TRIM37: variants seen among roughly 807,000 people sequenced by gnomAD.
TRIM37 encodes tripartite motif containing 37.
A neutral mutation model predicts 129.8 loss-of-function variants in TRIM37; 80 were observed. The observed-to-expected ratio is 0.62, with a 90% CI of 0.51 to 0.74. The LOEUF (loss-of-function observed/expected upper bound fraction) is 0.74. Ranked by LOEUF, TRIM37 falls within the 30% of genes least tolerant of loss-of-function variation. The pLI, the probability that TRIM37 is intolerant of heterozygous loss-of-function variation, is 0.00. For synonymous variants in TRIM37, 389 were observed against 387.1 expected (o/e 1.00, Z -0.06); for missense variants, 1,054 against 1,176.5 (o/e 0.90, Z 1.52).
At chr17:59,065,119 A>G (rs914569635) in intron 9 of TRIM37, among the ~76,000 whole-genome samples, 2 of 152,214 alleles carry the variant, frequency 1.3e-5, no homozygotes, top group African/African-American at 2.4e-5. Context: ...AAAAGGCAAC[A>G]CATTATATAA....
chr17:59,036,317 T>G (rs1457483109), intron 17 of TRIM37, among the ~76,000 whole-genome samples: 1 of 152,150 alleles, frequency 6.6e-6, no homozygotes, highest in African/African-American at 2.4e-5. Flanking sequence ...ATTCAGTTAT[T>G]TGAAGTTAAA....
downstream of TRIM37, among the ~76,000 whole-genome samples, chr17:58,979,563 C>G (rs1468534370): frequency 6.6e-6 from 1 of 152,210 alleles, no homozygotes; most frequent in Non-Finnish European, 1.5e-5. Flanking sequence ...GGCTTGTTTT[C>G]AAATTTCAAT....
chr17:59,094,287 A>G (rs1345868880), intron 2 of TRIM37, among the ~76,000 whole-genome samples: 1 of 152,226 alleles, frequency 6.6e-6, no homozygotes, highest in African/African-American at 2.4e-5. Flanking sequence ...CCAAAGAACC[A>G]GTGGTACAAT....
At chr17:59,072,033 G>A (rs2042414447) in intron 8 of TRIM37, among the ~76,000 whole-genome samples, 1 of 152,118 alleles carries the variant, frequency 6.6e-6, no homozygotes, top group African/African-American at 2.4e-5. Flanking sequence ...AGTCTATCTG[G>A]AGATAATCTT....
intron 8 of TRIM37, among the ~76,000 whole-genome samples, chr17:59,071,654 T>TACACCCGTGTGTACACACAC (rs1555682050): frequency 1.3e-5 from 2 of 152,016 alleles, no homozygotes; most frequent in African/African-American, 4.8e-5. Context: ...CGTACACACA[T>TACACCCGTGTGTACACACAC]ACACCCGTGT....
chr17:59,042,380 A>C (rs2039273328), intron 16 of TRIM37, among the ~76,000 whole-genome samples: 1 of 142,540 alleles, frequency 7.0e-6, no homozygotes, highest in Admixed American at 7.1e-5. Context: ...ATCTCAAAAA[A>C]AAAAAAAAAA....
chr17:59,047,793 A>C lies in TRIM37; in HGVS notation c.1557T>G (p.Asp519Glu). Residue 519 changes from aspartate to glutamate, a missense_variant, in exon 16 of 24, where the codon GAT becomes GAG. Around this residue, in one of 3 missense-constraint regions of TRIM37, gnomAD observed 752 missense variants for 870.8 expected, o/e 0.86. Coordinates refer to ENST00000262294, the MANE Select transcript of TRIM37 (RefSeq NM_015294.6). Reference sequence around the variant, plus strand: ...CTTCATCCTCATAAACAAGATCCAGATCCAGATCTCCATCTGAAAGCTCGT... The same window carrying C: ...CTTCATCCTCATAAACAAGATCCAGCTCCAGATCTCCATCTGAAAGCTCGT... ...YHHELSDGDL[D>E]LDLVYEDEVN... is the part of the protein sequence containing the mutation. 6.2e-7 allele frequency: 1 copy of C among 1,614,132 alleles called. No homozygotes were observed. Among genetic ancestry groups the C allele is most frequent in the South Asian group, 1.1e-5 (1 of 91,080 alleles).
At chr17:58,974,832 G>A in the TRIM37 span, among the ~76,000 whole-genome samples, 1 of 152,166 alleles carries the variant, frequency 6.6e-6, no homozygotes, top group African/African-American at 2.4e-5. Flanking sequence ...GTGCTAGCAA[G>A]CTGTGAAGTG....
intron 24 of TRIM37, among the ~76,000 whole-genome samples, chr17:58,991,805 G>A (rs978186440): frequency 6.6e-6 from 1 of 152,128 alleles, no homozygotes; most frequent in Non-Finnish European, 1.5e-5. Flanking sequence ...ACTCTCATGT[G>A]CTACTGATGG....
intron 20 of TRIM37, among the ~76,000 whole-genome samples, chr17:59,016,171 A>T (rs1357176876): frequency 1.3e-5 from 2 of 151,998 alleles, no homozygotes; most frequent in Non-Finnish European, 2.9e-5. Context: ...AGGCGGATGG[A>T]TCACCTGAGG....
chr17:58,984,645 T>G (rs1267621193), intron 24 of TRIM37: 1 of 152,630 alleles, frequency 6.6e-6, no homozygotes, highest in South Asian at 2.1e-4. Flanking sequence ...TCTTCTATTC[T>G]GATCTGCAAA....
chr17:59,035,632 C>T (rs984071966), intron 17 of TRIM37, among the ~76,000 whole-genome samples: 2 of 151,840 alleles, frequency 1.3e-5, no homozygotes, highest in Non-Finnish European at 2.9e-5. Context: ...CACCTGTAAT[C>T]CCAGCTACTC....
chr17:59,061,315 G>A (rs1169764810), intron 11 of TRIM37, among the ~76,000 whole-genome samples: 2 of 151,652 alleles, frequency 1.3e-5, no homozygotes, highest in African/African-American at 4.8e-5. Context: ...GCACAAAAAT[G>A]AAGGGAAATA....
intron 3 of TRIM37, among the ~76,000 whole-genome samples, chr17:59,089,857 C>T (rs765283117): frequency 2.0e-5 from 3 of 152,072 alleles, no homozygotes; most frequent in South Asian, 2.1e-4. Context: ...CCTAGCACTT[C>T]GGGAGGTCAA....
At chr17:59,018,971 G>A (rs1011957115) in intron 19 of TRIM37, among the ~76,000 whole-genome samples, 1 of 152,116 alleles carries the variant, frequency 6.6e-6, no homozygotes, top group Non-Finnish European at 1.5e-5. Context: ...CCAAGACAAT[G>A]CAATGGGCAA....
intron 22 of TRIM37, among the ~76,000 whole-genome samples, chr17:59,007,158 A>AC (rs2034600895): frequency 8.4e-4 from 7 of 8,350 alleles, no homozygotes; most frequent in Admixed American, 2.5e-3. Context: ...CCCACCCTCC[A>AC]ACACACACAC....
intron 19 of TRIM37, among the ~76,000 whole-genome samples, chr17:59,024,403 T>G (rs1381770920): frequency 6.6e-6 from 1 of 151,966 alleles, no homozygotes; most frequent in African/African-American, 2.4e-5. Context: ...TATATAGAAC[T>G]TATATGGAAA....
intron 8 of TRIM37, among the ~76,000 whole-genome samples, chr17:59,074,342 G>A (rs549315348): frequency 2.0e-5 from 3 of 152,196 alleles, no homozygotes; most frequent in Admixed American, 6.5e-5. Flanking sequence ...TAAGGGACTT[G>A]AGTATCTGCG....
chr17:59,045,568 G>A (rs1444654043), intron 16 of TRIM37, among the ~76,000 whole-genome samples: 1 of 151,482 alleles, frequency 6.6e-6, no homozygotes, highest in Non-Finnish European at 1.5e-5. Flanking sequence ...GAACCCGGGA[G>A]GCGGAGGTTG....
Sources: allele counts gnomAD v4.1 joint callset (sites outside exome capture counted in the v4.1 genomes callset), GRCh38; gene constraint gnomAD v4.1.1; regional missense constraint gnomAD v4.1.1; transcripts MANE v1.5; gene names NCBI Gene and HGNC (gene_info 2026-07-23, HGNC 2026-07-21).